CRTAC1: variants seen among roughly 807,000 people sequenced by gnomAD.
The protein encoded by CRTAC1 is acidic secreted protein in cartilage.
CRTAC1 carries 37 observed loss-of-function variants against 67.8 expected under a neutral mutation model. The observed-to-expected ratio is 0.55, with a 90% CI of 0.42 to 0.72. The LOEUF (loss-of-function observed/expected upper bound fraction) is 0.72, where lower values mean the gene tolerates loss of function less well. Ranked by LOEUF, CRTAC1 falls within the 30% of genes least tolerant of loss-of-function variation. The pLI, the probability that CRTAC1 is intolerant of heterozygous loss-of-function variation, is 0.00. For synonymous variants in CRTAC1, 348 were observed against 371.0 expected, an observed-to-expected ratio of 0.94 and a Z score of 0.71; for missense variants, 780 against 931.6, an observed-to-expected ratio of 0.84 and a Z score of 2.12.
chr10:97,931,729 C>T (rs532251543), intron 3 of CRTAC1, among the ~76,000 whole-genome samples: 15 of 152,286 alleles, frequency 9.8e-5, no homozygotes, highest in African/African-American at 3.4e-4. Flanking sequence ...TCACACTGAC[C>T]CATCCACTAC....
chr10:97,879,767 G>T, intron 14 of CRTAC1: 2 of 1,549,944 alleles, frequency 1.3e-6, no homozygotes, highest in Non-Finnish European at 1.7e-6. Flanking sequence ...TTCTAGAGGC[G>T]GCTGAAGAAT....
intron 1 of CRTAC1, among the ~76,000 whole-genome samples, chr10:98,018,199 CAAAAAAAAAAAAAAAA>C (rs71007373): frequency 2.1e-4 from 10 of 48,652 alleles, no homozygotes; most frequent in East Asian, 1.9e-3. Flanking sequence ...AAGATGCCCG[CAAAAAAAAAAAAAAAA>C]AAAAAAAAAA....
chr10:97,905,123 C>T (rs749797538), intron 6 of CRTAC1, among the ~76,000 whole-genome samples: 2 of 152,132 alleles, frequency 1.3e-5, no homozygotes. Context: ...TTCTGGAGGA[C>T]CAAAGGCTCT....
At chr10:97,931,582 C>A (rs2051004716) in intron 3 of CRTAC1, among the ~76,000 whole-genome samples, 1 of 152,194 alleles carries the variant, frequency 6.6e-6, no homozygotes, top group Non-Finnish European at 1.5e-5. Context: ...AAGAGTGGAA[C>A]CATGAGTTGG....
intron 2 of CRTAC1, among the ~76,000 whole-genome samples, chr10:97,994,775 T>C (rs1169476774): frequency 6.6e-6 from 1 of 152,244 alleles, no homozygotes; most frequent in Non-Finnish European, 1.5e-5. Flanking sequence ...AGGGCTACTT[T>C]GATTGGCAGC....
chr10:97,899,863 G>A (rs1184058439), intron 8 of CRTAC1, among the ~76,000 whole-genome samples: 1 of 152,084 alleles, frequency 6.6e-6, no homozygotes, highest in African/African-American at 2.4e-5. Flanking sequence ...GAGCCCCATT[G>A]GAATGTTTTA....
intron 2 of CRTAC1, among the ~76,000 whole-genome samples, chr10:97,946,103 T>C (rs1384056047): frequency 6.6e-6 from 1 of 152,212 alleles, no homozygotes; most frequent in Non-Finnish European, 1.5e-5. Flanking sequence ...CATAACTCCA[T>C]TTCTCAATGC....
chr10:97,884,744 C>T (rs1219102446), intron 11 of CRTAC1, among the ~76,000 whole-genome samples: 2 of 152,136 alleles, frequency 1.3e-5, no homozygotes, highest in Non-Finnish European at 2.9e-5. Flanking sequence ...CTTGAACTCA[C>T]GTTCTAGCAG....
intron 7 of CRTAC1, among the ~76,000 whole-genome samples, chr10:97,903,830 G>T (rs1361716272): frequency 6.6e-6 from 1 of 152,022 alleles, no homozygotes; most frequent in Non-Finnish European, 1.5e-5. Context: ...CTTGGCATCG[G>T]TCTATCAACA....
intron 14 of CRTAC1, chr10:97,879,501 C>T (rs2050183646): frequency 1.5e-6 from 1 of 666,528 alleles, no homozygotes; most frequent in African/African-American, 1.9e-5. Flanking sequence ...TCACAAACAA[C>T]TAAGGTTGTG....
intron 2 of CRTAC1, among the ~76,000 whole-genome samples, chr10:97,984,445 C>T (rs1208701858): frequency 1.3e-5 from 2 of 152,198 alleles, no homozygotes; most frequent in East Asian, 3.8e-4. Flanking sequence ...GGAATAAGCA[C>T]AATGGTGGCA....
At chr10:97,891,232 T>G (rs2050367639) in intron 11 of CRTAC1, among the ~76,000 whole-genome samples, 1 of 152,362 alleles carries the variant, frequency 6.6e-6, no homozygotes, top group African/African-American at 2.4e-5. Context: ...GTAATTTTTC[T>G]TCTTTTAAAA....
chr10:97,933,924 T>A (rs535989214), intron 3 of CRTAC1, among the ~76,000 whole-genome samples: 2 of 152,188 alleles, frequency 1.3e-5, no homozygotes, highest in African/African-American at 4.8e-5. Flanking sequence ...GCAGCTTAGC[T>A]GGGATTGTTG....
intron 2 of CRTAC1, among the ~76,000 whole-genome samples, chr10:97,979,709 A>T (rs2051861905): frequency 6.6e-6 from 1 of 152,164 alleles, no homozygotes; most frequent in South Asian, 2.1e-4. Flanking sequence ...GGAGTGCTTT[A>T]AGATACTACT....
rs144713573 is a variant in CRTAC1, at chr10:97,988,182, C to T, written c.224+22956G>A. On this transcript the variant is annotated intron_variant, in intron 2 of 14. Transcript: ENST00000370597. The stretch of plus-strand genomic sequence containing the variant: ...CCCTGCTGTCCCTTTGCTGCTTTCT[C>T]AAGGCTCAGTTAATCTGGTCTTAAC... Among the ~76,000 whole-genome samples, 4 of 149,056 alleles carry T rather than the reference C, an allele frequency of 2.7e-5. No homozygotes were observed. In the East Asian group the frequency reaches 8.3e-4, roughly 31 times the overall value.
chr10:98,010,199 C>G (rs1244430989), intron 2 of CRTAC1, among the ~76,000 whole-genome samples: 2 of 152,032 alleles, frequency 1.3e-5, no homozygotes, highest in Non-Finnish European at 2.9e-5. Context: ...GCCACCATGC[C>G]CAGCTAATTT....
chr10:97,873,789 G>A (rs558822484), intron 14 of CRTAC1, among the ~76,000 whole-genome samples: 8 of 152,330 alleles, frequency 5.3e-5, no homozygotes, highest in South Asian at 2.1e-4. Context: ...TGGGCGGGAC[G>A]TTCTGGGAAC....
At chr10:98,013,616 A>G (rs948349802) in intron 1 of CRTAC1, among the ~76,000 whole-genome samples, 5 of 152,162 alleles carry the variant, frequency 3.3e-5, no homozygotes, top group African/African-American at 1.2e-4. Flanking sequence ...TTCTTCTCCA[A>G]AATAAAGGTT....
chr10:97,976,959 C>T (rs1353840833), intron 2 of CRTAC1, among the ~76,000 whole-genome samples: 6 of 152,186 alleles, frequency 3.9e-5, no homozygotes, highest in African/African-American at 9.7e-5. Context: ...TTGTTCATTT[C>T]GGCCCAGGGA....
Sources: allele counts gnomAD v4.1 joint callset (sites outside exome capture counted in the v4.1 genomes callset), GRCh38; gene constraint gnomAD v4.1.1; transcripts MANE v1.5; gene names NCBI Gene and HGNC (gene_info 2026-07-23, HGNC 2026-07-21).